Variants in URI1 observed in about 807,000 individuals in gnomAD.
URI1 encodes the protein unconventional prefoldin RPB5 interactor 1.
Under a neutral mutation model 60.2 loss-of-function variants are expected in URI1, and 39 were observed. That is an observed-to-expected ratio of 0.65 (90% confidence interval 0.50 to 0.85). The LOEUF (loss-of-function observed/expected upper bound fraction) is 0.85. Among genes scored for constraint, URI1 ranks in the 40% least tolerant of loss-of-function variants. The pLI is 0.00. For missense variants in URI1, 691 were observed against 665.9 expected, an observed-to-expected ratio of 1.04 and a Z score of -0.42; for synonymous variants, 251 against 236.8, an observed-to-expected ratio of 1.06 and a Z score of -0.55.
chr19:29,928,144 G>C (rs2054886178), intron 1 of URI1, among the ~76,000 whole-genome samples: 1 of 152,026 alleles, frequency 6.6e-6, no homozygotes, highest in South Asian at 2.1e-4. Flanking sequence ...AAGTTTTCAA[G>C]ATGACCGCAG....
chr19:29,954,609 G>T (rs2145266312), intron 1 of URI1, among the ~76,000 whole-genome samples: 1 of 147,814 alleles, frequency 6.8e-6, no homozygotes, highest in South Asian at 2.1e-4. Context: ...CCACATCCCA[G>T]GTTCAAGCAA....
chr19:29,987,376 ACT>A lies in URI1; in HGVS notation c.367+962_367+963del, dbSNP rs578101638. On this transcript the variant is annotated intron_variant, in intron 4 of 10. Coordinates refer to ENST00000392271, the MANE Select transcript of URI1 (RefSeq NM_003796.3). ...GAAATTCTGGGAACTATATTTGGAG[ACT>A]CTAATTGCAAATCAACTCCTATAAG... Among the ~76,000 whole-genome samples the A allele has an allele frequency of 8.0e-4, 122 of 152,078 alleles. 2 individuals are homozygous for A. The highest frequency in any genetic ancestry group is 3.4e-3 in the Middle Eastern group (1 of 294).
intron 2 of URI1, among the ~76,000 whole-genome samples, chr19:29,976,929 CTT>C (rs1463070470): frequency 6.6e-6 from 1 of 152,130 alleles, no homozygotes; most frequent in African/African-American, 2.4e-5. Context: ...TTCTAAAACA[CTT>C]TGGCATGTGA....
At chr19:29,943,906 G>A (rs1269541294) in intron 1 of URI1, among the ~76,000 whole-genome samples, 1 of 151,538 alleles carries the variant, frequency 6.6e-6, no homozygotes, top group Non-Finnish European at 1.5e-5. Context: ...TGTCAAGGTC[G>A]TGGAATTGCT....
chr19:29,952,167 C>T (rs553829148), intron 1 of URI1, among the ~76,000 whole-genome samples: 5 of 152,266 alleles, frequency 3.3e-5, no homozygotes, highest in African/African-American at 1.2e-4. Context: ...AAATAATTTA[C>T]AGGTCTAAGA....
intron 4 of URI1, among the ~76,000 whole-genome samples, chr19:29,992,304 A>G (rs1424937488): frequency 6.6e-6 from 1 of 152,184 alleles, no homozygotes; most frequent in Non-Finnish European, 1.5e-5. Context: ...CCTTGACCTC[A>G]AGTGATCTGC....
intron 2 of URI1, among the ~76,000 whole-genome samples, chr19:29,981,047 A>T (rs1599697788): frequency 6.8e-6 from 1 of 147,794 alleles, no homozygotes; most frequent in East Asian, 2.0e-4. Flanking sequence ...TCCCTTTTTT[A>T]TTATTTAAAG....
chr19:29,942,148 C>G (rs1333153989), upstream of URI1: 1 of 932,434 alleles, frequency 1.1e-6, no homozygotes, highest in African/African-American at 1.8e-5. Context: ...TCGCATCAAG[C>G]GCACTCCCCT....
chr19:29,989,993 T>C (rs931689822), intron 4 of URI1, among the ~76,000 whole-genome samples: 1 of 152,178 alleles, frequency 6.6e-6, no homozygotes, highest in Non-Finnish European at 1.5e-5. Context: ...CTTCTGTGTT[T>C]TCTTCTGAAA....
At chr19:29,941,751 A>G (rs1288600179), upstream of URI1, among the ~76,000 whole-genome samples, 1 of 152,262 alleles carries the variant, frequency 6.6e-6, no homozygotes, top group Admixed American at 6.5e-5. Flanking sequence ...CAATGTGTAC[A>G]GTAATTAATG....
intron 1 of URI1, among the ~76,000 whole-genome samples, chr19:29,964,180 G>A (rs761022481): frequency 4.6e-5 from 7 of 152,106 alleles, no homozygotes; most frequent in Non-Finnish European, 1.0e-4. Flanking sequence ...CAGATGATCA[G>A]CTCACTTCTC....
rs751895675 is a variant in URI1, at chr19:30,008,968, ATGTT to A, written c.687-30_687-27del. 8.8e-5 allele frequency: 128 copies of A among 1,459,362 alleles called. 1 individual carries two copies. Among genetic ancestry groups the A allele is most frequent in the Non-Finnish European group, 8.5e-5 (92 of 1,078,496 alleles). 90.4% of individuals were successfully genotyped at this position (1,459,362 alleles called of 1,614,324 possible). On this transcript the variant is annotated intron_variant, in intron 7 of 10. Transcript: ENST00000392271. The stretch of plus-strand genomic sequence containing the variant: ...AATTTAAATAATGTAAAATTCTAGT[ATGTT>A]TGTTTGATCTTGTTAATTTTCTTCC...
chr19:29,940,610 T>C (rs569838394), upstream of URI1, among the ~76,000 whole-genome samples: 213 of 152,006 alleles, frequency 1.4e-3, 1 homozygote, highest in African/African-American at 4.6e-3. Flanking sequence ...GATGGCACCA[T>C]TGCACTCCAG....
intron 1 of URI1, among the ~76,000 whole-genome samples, chr19:29,926,944 T>C (rs2054873328): frequency 6.6e-6 from 1 of 152,186 alleles, no homozygotes. Context: ...AGTCTGGCTC[T>C]GCCTGGGAGC....
At chr19:29,991,202 T>C (rs766190213) in intron 4 of URI1, among the ~76,000 whole-genome samples, 24 of 152,200 alleles carry the variant, frequency 1.6e-4, no homozygotes, top group Non-Finnish European at 2.5e-4. Flanking sequence ...TGGGGAGAAT[T>C]GACCTCTTAA....
At chr19:29,953,901 G>A (rs1003317129) in intron 1 of URI1, among the ~76,000 whole-genome samples, 1 of 151,746 alleles carries the variant, frequency 6.6e-6, no homozygotes, top group African/African-American at 2.4e-5. Context: ...TCCTTGGAAG[G>A]CCTCTAAGAG....
At position 29,942,626 on chromosome 19, in the gene URI1, GC is replaced by G; in HGVS notation, c.83del (p.Pro28ArgfsTer27). 2 of 1,450,488 alleles carry G rather than the reference GC, an allele frequency of 1.4e-6. No individual in the cohort carries two copies. Among genetic ancestry groups the G allele is most frequent in the Non-Finnish European group, 9.1e-7 (1 of 1,102,804 alleles). 89.9% of individuals were successfully genotyped at this position (1,450,488 alleles called of 1,614,324 possible). A position where few individuals can be genotyped will look rare whatever the true frequency, so the allele number is the denominator to read the frequency against. Reference protein sequence around the residue: ...APAPALVPLRAPDVARLREEQ... With the variant: ...APAPALVPLRXPDVARLREEQ... ...GGCCCCTGCCCTGGTTCCGTTGCGC[GC>G]CCCGGATGTGGCGCGGCTGCGCGAG... is the stretch of plus-strand genomic sequence containing the variant. On this transcript the variant is annotated frameshift_variant, in exon 1 of 11. Transcript: ENST00000392271. LOFTEE classifies it high-confidence loss of function.
intron 4 of URI1, among the ~76,000 whole-genome samples, chr19:30,000,799 T>C (rs941323278): frequency 1.3e-5 from 2 of 152,046 alleles, no homozygotes; most frequent in African/African-American, 4.8e-5. Flanking sequence ...AGGCCTTTTT[T>C]GAGTGGAGGC....
intron 4 of URI1, among the ~76,000 whole-genome samples, chr19:29,988,835 T>C (rs1014971665): frequency 6.6e-6 from 1 of 152,236 alleles, no homozygotes; most frequent in African/African-American, 2.4e-5. Context: ...GATAAATGTA[T>C]GTTCAATTTT....
Sources: allele counts gnomAD v4.1 joint callset (sites outside exome capture counted in the v4.1 genomes callset), GRCh38; gene constraint gnomAD v4.1.1; transcripts MANE v1.5; gene names NCBI Gene and HGNC (gene_info 2026-07-23, HGNC 2026-07-21).